Variants in SLC4A5 observed in about 807,000 individuals in gnomAD.
SLC4A5 encodes solute carrier family 4 member 5, also known as electrogenic sodium bicarbonate cotransporter 4.
In SLC4A5, 96 loss-of-function variants were observed where a neutral mutation model predicts 120.4. The observed-to-expected ratio is 0.80, with a 90% CI of 0.68 to 0.94. The LOEUF is 0.94. SLC4A5 is among the 40% of genes least tolerant of loss of function. SLC4A5 has a pLI of 0.00. For missense variants in SLC4A5, 1,259 were observed against 1,459.5 expected (o/e 0.86, Z 2.24); for synonymous variants, 550 against 571.1 (o/e 0.96, Z 0.53).
chr2:74,291,407 A>C (rs1410180302), intron 7 of SLC4A5, among the ~76,000 whole-genome samples: 2 of 152,194 alleles, frequency 1.3e-5, no homozygotes, highest in Non-Finnish European at 2.9e-5. Flanking sequence ...GAATTCACTA[A>C]GTCTTAGAGC....
intron 3 of SLC4A5, among the ~76,000 whole-genome samples, chr2:74,335,276 C>A (rs558356656): frequency 6.6e-6 from 1 of 152,336 alleles, no homozygotes; most frequent in East Asian, 1.9e-4. Context: ...CCCACGGAGG[C>A]ATCTTGGGCC....
At chr2:74,230,244 G>A (rs974289356) in intron 25 of SLC4A5, among the ~76,000 whole-genome samples, 1 of 152,218 alleles carries the variant, frequency 6.6e-6, no homozygotes, top group African/African-American at 2.4e-5. Context: ...CGTGGGCACT[G>A]ATCAAGGGAA....
chr2:74,307,386 A>T (rs1030407508), intron 6 of SLC4A5: 7 of 629,218 alleles, frequency 1.1e-5, no homozygotes, highest in Non-Finnish European at 8.9e-6. Flanking sequence ...CTTCATGAAG[A>T]GCAGCTCCTC....
At chr2:74,296,439 C>A (rs1169029781) in intron 7 of SLC4A5, among the ~76,000 whole-genome samples, 1 of 151,594 alleles carries the variant, frequency 6.6e-6, no homozygotes, top group Admixed American at 6.6e-5. Context: ...AGGAAGCCAC[C>A]CCAATTTTAA....
chr2:74,273,004 C>T (rs1221288697), intron 8 of SLC4A5, among the ~76,000 whole-genome samples: 4 of 152,176 alleles, frequency 2.6e-5, no homozygotes, highest in African/African-American at 9.7e-5. Flanking sequence ...TAAGTATCAG[C>T]AGTTTTCAAT....
At chr2:74,244,154 T>C (rs1019486010) in intron 19 of SLC4A5, among the ~76,000 whole-genome samples, 7 of 152,228 alleles carry the variant, frequency 4.6e-5, no homozygotes, top group African/African-American at 1.7e-4. Context: ...TTCCATGTTA[T>C]CTTAATCAAA....
rs936298322 is a variant in SLC4A5 at position 74,278,905 on chromosome 2, A to G, written c.401+6868T>C. The stretch of plus-strand genomic sequence containing the variant: ...CTGCAGCTGCTTACCTGGCTCATGT[A>G]TACCAGCCATCTGCAGCTCCTACAG... On this transcript the variant is annotated intron_variant, in intron 8 of 30. Coordinates refer to ENST00000394019, the Ensembl canonical transcript of SLC4A5. Among the ~76,000 whole-genome samples the G allele has an allele frequency of 3.9e-5, 6 of 152,240 alleles. No homozygotes were observed. In the East Asian group the frequency reaches 9.6e-4, roughly 24 times the overall value.
At chr2:74,292,704 G>A (rs1672211731) in intron 7 of SLC4A5, among the ~76,000 whole-genome samples, 1 of 152,106 alleles carries the variant, frequency 6.6e-6, no homozygotes, top group African/African-American at 2.4e-5. Flanking sequence ...AAATGATCTA[G>A]TGGCCTGCAA....
At chr2:74,219,203 GTGTGTGTGTGTGTGTGTT>G (rs1313200669) in intron 30 of SLC4A5, among the ~76,000 whole-genome samples, 6,821 of 129,762 alleles carry the variant, frequency 0.053, 527 homozygotes, top group African/African-American at 0.2. Context: ...GTGTGTGTGT[GTGTGTGTGTGTGTGTGTT>G]TGTGTGTGTT....
In SLC4A5 at chr2:74,336,022, T is replaced by G. The variant is rs115951537; in HGVS notation, c.-220-1845A>C. On this transcript the variant is annotated intron_variant, in intron 3 of 30. Transcript: ENST00000394019. ...TCAGGGCTGACAGCTTTACATACCT[T>G]ACCTCAATTAATCCTCACAGCAACC... 3.7e-3 allele frequency among the ~76,000 whole-genome samples: 566 copies of G among 152,292 alleles called. 3 individuals carry two copies. Among genetic ancestry groups the G allele is most frequent in the African/African-American group, 0.013 (550 of 41,546 alleles).
At chr2:74,294,718 G>A (rs1326797517) in intron 7 of SLC4A5, among the ~76,000 whole-genome samples, 3 of 148,452 alleles carry the variant, frequency 2.0e-5, no homozygotes, top group Admixed American at 1.3e-4. Context: ...TTGCTCTGTC[G>A]CCCAGTGTAC....
At chr2:74,305,572 T>A (rs1672615524) in intron 6 of SLC4A5, among the ~76,000 whole-genome samples, 1 of 152,158 alleles carries the variant, frequency 6.6e-6, no homozygotes, top group African/African-American at 2.4e-5. Flanking sequence ...TTTACTCTTC[T>A]ATTGTATAGA....
chr2:74,319,245 A>G (rs896493053), intron 5 of SLC4A5, among the ~76,000 whole-genome samples: 1 of 152,172 alleles, frequency 6.6e-6, no homozygotes, highest in Non-Finnish European at 1.5e-5. Flanking sequence ...AGGGTTGAAA[A>G]GTGACCTATT....
At chr2:74,314,879 A>C (rs966937988) in intron 6 of SLC4A5, 66 bp downstream of exon 6, 2 of 1,417,448 alleles carry the variant, frequency 1.4e-6, no homozygotes, top group Non-Finnish European at 1.0e-6. Context: ...AAGAGCTGTC[A>C]TAAAGACATT....
intron 17 of SLC4A5, 117 bp from the exon 18 acceptor site, chr2:74,248,603 G>A: frequency 4.8e-6 from 6 of 1,248,136 alleles, no homozygotes; most frequent in Non-Finnish European, 6.6e-6. Flanking sequence ...CCTTCGTTCT[G>A]GGCCCTTTCC....
chr2:74,316,650 A>G (rs995925933), intron 5 of SLC4A5, among the ~76,000 whole-genome samples: 10 of 152,238 alleles, frequency 6.6e-5, no homozygotes, highest in African/African-American at 1.9e-4. Flanking sequence ...ACACTTGAAG[A>G]ATAAACTGTG....
rs1572996936 is a variant in SLC4A5, at chr2:74,220,709, G to C, written c.*33+725C>G. ...TTTTTTGTATTTTTAGTAGAGACAG[G>C]GTTTCACCATGTTAGCCAGGATGGT... On this transcript the variant is annotated intron_variant, in intron 30 of 30. Coordinates refer to ENST00000394019, the Ensembl canonical transcript of SLC4A5. Among the ~76,000 whole-genome samples the C allele has an allele frequency of 1.3e-5, 2 of 150,296 alleles. 1 individual carries two copies. The highest frequency in any genetic ancestry group is 4.2e-4 in the South Asian group (2 of 4,766).
intron 6 of SLC4A5, among the ~76,000 whole-genome samples, chr2:74,311,954 T>C (rs1468757048): frequency 6.6e-6 from 1 of 152,158 alleles, no homozygotes; most frequent in Non-Finnish European, 1.5e-5. Context: ...AGTTTTGTCA[T>C]TTTTTTGCCT....
At chr2:74,324,900 A>C (rs1673184202) in intron 5 of SLC4A5, among the ~76,000 whole-genome samples, 1 of 151,956 alleles carries the variant, frequency 6.6e-6, no homozygotes, top group African/African-American at 2.4e-5. Context: ...AACTCTGCTC[A>C]CTCTGGCACT....
Sources: gnomAD v4.1 joint callset for allele counts (sites outside exome capture counted in the v4.1 genomes callset) on GRCh38, gnomAD v4.1.1 for gene constraint, MANE v1.5 for transcripts, NCBI Gene and HGNC (gene_info 2026-07-23, HGNC 2026-07-21) for gene names.